The following RBMS3 variants were observed in gnomAD, a reference collection of about 807,000 sequenced individuals.
RBMS3 encodes the protein RNA-binding motif, single-stranded-interacting protein 3.
In RBMS3, 27 loss-of-function variants were observed where a neutral mutation model predicts 66.8. That is an observed-to-expected ratio of 0.40 (90% CI 0.30 to 0.56). The LOEUF (loss-of-function observed/expected upper bound fraction) is 0.56. RBMS3 is among the 20% of genes least tolerant of loss of function. RBMS3 has a pLI of 0.40. For missense variants in RBMS3, 513 were observed against 549.5 expected, an observed-to-expected ratio of 0.93 and a Z score of 0.66; for synonymous variants, 188 against 183.0, an observed-to-expected ratio of 1.03 and a Z score of -0.22.
At chr3:29,309,466 C>A (rs1316216048) in intron 1 of RBMS3, among the ~76,000 whole-genome samples, 1 of 151,720 alleles carries the variant, frequency 6.6e-6, no homozygotes, top group Non-Finnish European at 1.5e-5. Context: ...TAAATTCTTA[C>A]AATAACTTAT....
intron 4 of RBMS3, among the ~76,000 whole-genome samples, chr3:29,655,430 C>T (rs193061713): frequency 3.5e-4 from 53 of 152,204 alleles, no homozygotes; most frequent in African/African-American, 1.2e-3. Context: ...AAAGATGTTT[C>T]GGTTAAGGAC....
At chr3:29,781,203 C>A (rs1310657611) in intron 6 of RBMS3, among the ~76,000 whole-genome samples, 1 of 143,354 alleles carries the variant, frequency 7.0e-6, no homozygotes, top group Non-Finnish European at 1.5e-5. Context: ...GTGGTCAAGC[C>A]CTCCCTCCCA....
Position 29,302,043 on chromosome 3 carries a change from T to A in RBMS3, c.75+20287T>A, listed in dbSNP as rs993687823. Among the ~76,000 whole-genome samples, 3 of 152,168 alleles carry A rather than the reference T, an allele frequency of 2.0e-5. No homozygotes were observed. The East Asian group carries it at 5.8e-4, about 30-fold the overall frequency. On this transcript the variant is annotated intron_variant, in intron 1 of 14. Transcript: ENST00000383767. Reference sequence around the variant, plus strand: ...AAAGTTTTTTTGAAGACAGTCTTACTCTGTTGCCCAGGCTGTAGTGCAGTG... The same window carrying A: ...AAAGTTTTTTTGAAGACAGTCTTACACTGTTGCCCAGGCTGTAGTGCAGTG...
intron 6 of RBMS3, among the ~76,000 whole-genome samples, chr3:29,820,886 G>A (rs937390864): frequency 6.6e-6 from 1 of 152,076 alleles, no homozygotes; most frequent in Non-Finnish European, 1.5e-5. Flanking sequence ...AGAAGATTGC[G>A]ACCAACCTGG....
intron 3 of RBMS3, among the ~76,000 whole-genome samples, chr3:29,549,161 A>G (rs1253109065): frequency 9.2e-6 from 1 of 109,268 alleles, no homozygotes; most frequent in African/African-American, 3.6e-5. Context: ...CTTTCCTTTT[A>G]TATTTTTCTC....
intron 2 of RBMS3, among the ~76,000 whole-genome samples, chr3:29,482,708 T>TC (rs1553609380): frequency 1.7e-5 from 2 of 119,262 alleles, no homozygotes; most frequent in African/African-American, 3.4e-5. Context: ...TTTCTTTTTT[T>TC]TTTTTTTTTT....
rs545016416 is a variant in RBMS3, at chr3:29,453,678, G to A, written c.248+18763G>A. 7.2e-5 allele frequency among the ~76,000 whole-genome samples: 11 copies of A among 152,290 alleles called. No individual in the cohort carries two copies. The East Asian group carries it at 9.7e-4, about 13-fold the overall frequency. On this transcript the variant is annotated intron_variant, in intron 2 of 14. Coordinates refer to ENST00000383767, the MANE Select transcript of RBMS3 (RefSeq NM_001003793.3). ...TGGAATTAGGATGCTTATAGACCAC[G>A]TAAAGTTAAGAGATTTCTTGGCAGC...
intron 4 of RBMS3, among the ~76,000 whole-genome samples, chr3:29,603,604 C>T (rs1272031139): frequency 6.6e-6 from 1 of 151,954 alleles, no homozygotes; most frequent in Non-Finnish European, 1.5e-5. Context: ...TCAGCTACCT[C>T]CCTCTTTTGT....
chr3:29,912,018 A>G (rs973276365), intron 10 of RBMS3, among the ~76,000 whole-genome samples: 2 of 151,412 alleles, frequency 1.3e-5, no homozygotes, highest in Admixed American at 6.6e-5. Flanking sequence ...TAGATGATAG[A>G]ATGGGTGGAT....
intron 3 of RBMS3, among the ~76,000 whole-genome samples, chr3:29,519,257 C>A (rs1441459499): frequency 6.6e-6 from 1 of 152,018 alleles, no homozygotes; most frequent in East Asian, 1.9e-4. Context: ...ATCTGTAGAA[C>A]CTAAATGAGG....
intron 3 of RBMS3, among the ~76,000 whole-genome samples, chr3:29,513,213 G>A (rs1263673296): frequency 6.6e-6 from 1 of 152,096 alleles, no homozygotes; most frequent in Non-Finnish European, 1.5e-5. Context: ...CTCTGGCAAA[G>A]GAAAATCTTT....
At chr3:29,787,037 C>T (rs369563039) in intron 6 of RBMS3, among the ~76,000 whole-genome samples, 7 of 152,144 alleles carry the variant, frequency 4.6e-5, no homozygotes, top group Admixed American at 3.3e-4. Context: ...ATAGACAATT[C>T]TCAAAAGAAG....
chr3:29,807,621 A>C (rs1194959666), intron 6 of RBMS3, among the ~76,000 whole-genome samples: 1 of 151,904 alleles, frequency 6.6e-6, no homozygotes. Flanking sequence ...TCAGTGTACA[A>C]TGCAGTACTA....
At chr3:29,401,813 G>C (rs1184619644) in intron 1 of RBMS3, among the ~76,000 whole-genome samples, 2 of 152,054 alleles carry the variant, frequency 1.3e-5, no homozygotes, top group African/African-American at 2.4e-5. Flanking sequence ...GCTTAGGTTT[G>C]TATCATTTTC....
chr3:29,451,499 A>G (rs1309487000), intron 2 of RBMS3, among the ~76,000 whole-genome samples: 1 of 152,188 alleles, frequency 6.6e-6, no homozygotes, highest in Non-Finnish European at 1.5e-5. Flanking sequence ...GTGTCTCCCT[A>G]ATATATAATT....
intron 4 of RBMS3, among the ~76,000 whole-genome samples, chr3:29,677,134 C>T (rs1470863655): frequency 6.6e-6 from 1 of 152,082 alleles, no homozygotes; most frequent in African/African-American, 2.4e-5. Context: ...CTATACAGTA[C>T]TAAGGGGGAT....
chr3:29,556,096 T>G (rs554746075), intron 3 of RBMS3, among the ~76,000 whole-genome samples: 2 of 150,940 alleles, frequency 1.3e-5, no homozygotes, highest in Non-Finnish European at 2.9e-5. Flanking sequence ...TTCTGCCGTA[T>G]CATAAGTGGT....
At chr3:29,589,232 C>T (rs745664790) in intron 4 of RBMS3, among the ~76,000 whole-genome samples, 1 of 152,066 alleles carries the variant, frequency 6.6e-6, no homozygotes, top group Non-Finnish European at 1.5e-5. Flanking sequence ...CTTACCCACT[C>T]CCCCGCACCC....
intron 3 of RBMS3, among the ~76,000 whole-genome samples, chr3:29,505,839 T>C (rs558367147): frequency 6.6e-6 from 1 of 151,926 alleles, no homozygotes; most frequent in African/African-American, 2.4e-5. Flanking sequence ...TTTGTAGTGA[T>C]GGTAAATGGG....
Sources: gnomAD v4.1 joint callset for allele counts (sites outside exome capture counted in the v4.1 genomes callset) on GRCh38, gnomAD v4.1.1 for gene constraint, MANE v1.5 for transcripts, NCBI Gene and HGNC (gene_info 2026-07-23, HGNC 2026-07-21) for gene names.